SNTG1: variants seen among roughly 807,000 people sequenced by gnomAD.
The protein encoded by SNTG1 is gamma-1-syntrophin.
In SNTG1, 39 loss-of-function variants were observed where a neutral mutation model predicts 74.7. The ratio of observed to expected loss-of-function variants is 0.52; its 90% CI spans 0.40 to 0.68. The LOEUF (loss-of-function observed/expected upper bound fraction) is 0.68, where lower values mean the gene tolerates loss of function less well. Ranked by LOEUF, SNTG1 falls within the 30% of genes least tolerant of loss-of-function variation. The pLI is 0.00. For synonymous variants in SNTG1, 254 were observed against 217.1 expected, an observed-to-expected ratio of 1.17 and a Z score of -1.49; for missense variants, 685 against 609.5, an observed-to-expected ratio of 1.12 and a Z score of -1.30.
intron 1 of SNTG1, among the ~76,000 whole-genome samples, chr8:50,098,752 C>T (rs56725): frequency 0.62 from 94,471 of 151,964 alleles, 29,711 homozygotes; most frequent in East Asian, 0.84. Context: ...TATTTATAAG[C>T]CATATAATTT....
intron 1 of SNTG1, among the ~76,000 whole-genome samples, chr8:50,051,093 A>G (rs1382271973): frequency 6.6e-6 from 1 of 152,068 alleles, no homozygotes; most frequent in Non-Finnish European, 1.5e-5. Context: ...CAAGACAAGG[A>G]TATGTGCTCT....
chr8:50,153,062 C>A (rs889153527), intron 1 of SNTG1, among the ~76,000 whole-genome samples: 2 of 152,156 alleles, frequency 1.3e-5, no homozygotes, highest in African/African-American at 4.8e-5. Flanking sequence ...TAGATTTGGT[C>A]TTTTCACATA....
intron 2 of SNTG1, among the ~76,000 whole-genome samples, chr8:50,219,654 A>G (rs899255904): frequency 7.9e-5 from 12 of 152,120 alleles, no homozygotes; most frequent in African/African-American, 2.7e-4. Flanking sequence ...AGTTTTAAAC[A>G]ACAAAATCTC....
intron 2 of SNTG1, among the ~76,000 whole-genome samples, chr8:50,304,732 A>C (rs1437403660): frequency 6.6e-6 from 1 of 152,188 alleles, no homozygotes; most frequent in Non-Finnish European, 1.5e-5. Context: ...TAGCTTTTTC[A>C]TACTATACTC....
chr8:50,302,750 C>T (rs1051505456), intron 2 of SNTG1, among the ~76,000 whole-genome samples: 3 of 151,718 alleles, frequency 2.0e-5, no homozygotes, highest in Non-Finnish European at 2.9e-5. Context: ...TAACATAACA[C>T]GGGGGCCCTC....
chr8:50,600,484 T>A (rs1414938652), intron 13 of SNTG1, among the ~76,000 whole-genome samples: 2 of 54,022 alleles, frequency 3.7e-5, no homozygotes, highest in African/African-American at 2.1e-4. Flanking sequence ...ATTGGTATGG[T>A]TTGGTATTGG....
intron 1 of SNTG1, among the ~76,000 whole-genome samples, chr8:50,143,333 T>C (rs1033083145): frequency 1.3e-5 from 2 of 152,172 alleles, no homozygotes; most frequent in Non-Finnish European, 2.9e-5. Flanking sequence ...ACTAAATTTT[T>C]ATTGAGAAAA....
intron 2 of SNTG1, among the ~76,000 whole-genome samples, chr8:50,205,694 GT>G (rs1321790448): frequency 6.6e-6 from 1 of 152,070 alleles, no homozygotes; most frequent in Non-Finnish European, 1.5e-5. Context: ...GGTTTTTATG[GT>G]TTTAGGTCTA....
intron 2 of SNTG1, among the ~76,000 whole-genome samples, chr8:50,181,723 T>A (rs967301045): frequency 2.0e-5 from 3 of 152,188 alleles, no homozygotes; most frequent in African/African-American, 4.8e-5. Flanking sequence ...CAAAATTTAA[T>A]CTGTTAACAT....
chr8:50,544,548 T>C (rs1400512404), intron 11 of SNTG1, among the ~76,000 whole-genome samples: 3 of 152,094 alleles, frequency 2.0e-5, no homozygotes, highest in African/African-American at 2.4e-5. Flanking sequence ...AGTTACATTA[T>C]TTGAAGACAT....
At chr8:50,323,107 G>GAA (rs77989339) in intron 2 of SNTG1, among the ~76,000 whole-genome samples, 1 of 66,010 alleles carries the variant, frequency 1.5e-5, no homozygotes, top group Non-Finnish European at 3.8e-5. Context: ...GACTTGTCTG[G>GAA]AAAAAAAAAA....
Position 50,795,141 on chromosome 8 carries a change from A to G in SNTG1, c.*2312A>G, listed in dbSNP as rs1299698319. The G allele has an allele frequency of 3.3e-5, 5 of 152,010 alleles. No individual in the cohort carries two copies. The highest frequency in any genetic ancestry group is 4.8e-5 in the African/African-American group (2 of 41,428). 9.4% of individuals were successfully genotyped at this position (152,010 alleles called of 1,614,324 possible). ...TGTTTTGTGTACATACATTTAATAT[A>G]CTTTAAATTACGTTGTAAAATGTAG... On this transcript the variant is annotated 3_prime_UTR_variant, in exon 19 of 19. Coordinates refer to ENST00000642720, the MANE Select transcript of SNTG1 (RefSeq NM_018967.5).
At chr8:50,069,794 G>A (rs1821207264) in intron 1 of SNTG1, among the ~76,000 whole-genome samples, 1 of 151,718 alleles carries the variant, frequency 6.6e-6, no homozygotes, top group Non-Finnish European at 1.5e-5. Context: ...CTCTCAGCTT[G>A]CTGCACAATC....
chr8:50,023,174 C>G (rs753187653), intron 1 of SNTG1, among the ~76,000 whole-genome samples: 1 of 152,040 alleles, frequency 6.6e-6, no homozygotes, highest in Non-Finnish European at 1.5e-5. Context: ...GACAGGGAGC[C>G]TGTGGAGAGG....
At chr8:50,036,395 C>T (rs1051314611) in intron 1 of SNTG1, among the ~76,000 whole-genome samples, 1 of 152,122 alleles carries the variant, frequency 6.6e-6, no homozygotes, top group Non-Finnish European at 1.5e-5. Context: ...TCTTTCCCAC[C>T]CAACTTTCAC....
At chr8:50,511,905 G>T (rs1369146376) in intron 9 of SNTG1, among the ~76,000 whole-genome samples, 1 of 152,028 alleles carries the variant, frequency 6.6e-6, no homozygotes, top group Non-Finnish European at 1.5e-5. Context: ...GGAGCATTTA[G>T]CCCATTTACA....
rs78220199 is a variant in SNTG1 at position 50,221,712 on chromosome 8, G to A, written c.-28+49077G>A. ...ACACATAATAGTTGCATTTATTTAT[G>A]GAGTACATAGTCATGTTTTGATATG... On this transcript the variant is annotated intron_variant, in intron 2 of 18. Coordinates refer to ENST00000642720, the MANE Select transcript of SNTG1 (RefSeq NM_018967.5). Among the ~76,000 whole-genome samples the A allele has an allele frequency of 6.0e-3, 915 of 152,160 alleles. 8 individuals carry two copies. The highest frequency in any genetic ancestry group is 0.02 in the African/African-American group (849 of 41,502).
intron 2 of SNTG1, among the ~76,000 whole-genome samples, chr8:50,289,999 A>G (rs2089004906): frequency 6.6e-6 from 1 of 152,190 alleles, no homozygotes; most frequent in Admixed American, 6.5e-5. Context: ...CCTACTGAGT[A>G]TTGCAGGGGA....
intron 2 of SNTG1, among the ~76,000 whole-genome samples, chr8:50,287,426 C>T (rs1390786320): frequency 6.6e-6 from 1 of 152,142 alleles, no homozygotes; most frequent in Non-Finnish European, 1.5e-5. Context: ...AGCTTTCATG[C>T]AAAGTTATGC....
Sources: allele counts gnomAD v4.1 joint callset (sites outside exome capture counted in the v4.1 genomes callset), GRCh38; gene constraint gnomAD v4.1.1; transcripts MANE v1.5; gene names NCBI Gene and HGNC (gene_info 2026-07-23, HGNC 2026-07-21).